SV2C: variants seen among roughly 807,000 people sequenced by gnomAD.
SV2C encodes solute carrier family 22 member B3.
In SV2C, 49 loss-of-function variants were observed where a neutral mutation model predicts 79.7. That is an observed-to-expected ratio of 0.61 (90% CI 0.49 to 0.78). SV2C has a LOEUF of 0.78. SV2C is among the 30% of genes least tolerant of loss of function. The pLI is 0.00. For synonymous variants in SV2C, 334 were observed against 333.2 expected (o/e 1.00, Z -0.03); for missense variants, 833 against 912.9 (o/e 0.91, Z 1.13).
the SV2C span, among the ~76,000 whole-genome samples, chr5:76,028,778 G>C: frequency 2.0e-5 from 3 of 152,096 alleles, no homozygotes; most frequent in Admixed American, 6.5e-5. Context: ...CTGTACACTG[G>C]GGATGTATAG....
the SV2C span, among the ~76,000 whole-genome samples, chr5:75,956,670 C>T: frequency 0.01 from 1,567 of 151,970 alleles, 28 homozygotes; most frequent in African/African-American, 0.033. Context: ...TCACCATCCC[C>T]GCAAGTATAC....
chr5:76,275,121 G>C (rs1378197248), intron 4 of SV2C, among the ~76,000 whole-genome samples: 1 of 152,144 alleles, frequency 6.6e-6, no homozygotes, highest in Non-Finnish European at 1.5e-5. Flanking sequence ...CCTTGGGTTT[G>C]TGTCTTGTAC....
At chr5:75,880,025 T>G in the SV2C span, among the ~76,000 whole-genome samples, 1 of 152,124 alleles carries the variant, frequency 6.6e-6, no homozygotes, top group Non-Finnish European at 1.5e-5. Context: ...CTAGGGCCCT[T>G]TGAGCCATGG....
In SV2C at chr5:76,195,081, G is replaced by T. The variant is rs200529235; in HGVS notation, c.743G>T (p.Arg248Leu). 6.2e-7 allele frequency: 1 copy of T among 1,613,306 alleles called. No homozygotes were observed. Among genetic ancestry groups the T allele is most frequent in the South Asian group, 1.1e-5 (1 of 90,964 alleles). ...VQGYGFFLFC[R>L]LLSGFGIGGA... ...GGTTATGGCTTCTTTCTCTTCTGTC[G>T]CTTACTTTCTGGATTCGGGTAAGGT... The change falls in exon 3 of 13, where the codon CGC (arginine) becomes CTC (leucine). Residue 248 changes from arginine to leucine, a missense_variant. Physicochemically the swap from Arg to Leu is moderately radical, Grantham distance 102. Coordinates refer to ENST00000502798, the MANE Select transcript of SV2C (RefSeq NM_014979.4).
chr5:76,016,884 T>C, the SV2C span, among the ~76,000 whole-genome samples: 4 of 152,214 alleles, frequency 2.6e-5, no homozygotes, highest in African/African-American at 4.8e-5. Flanking sequence ...GAATCTCCTT[T>C]CCTTGCTCAG....
At chr5:75,884,296 C>T in the SV2C span, among the ~76,000 whole-genome samples, 17 of 152,102 alleles carry the variant, frequency 1.1e-4, no homozygotes, top group Admixed American at 7.2e-4. Context: ...TAAGTGGAAC[C>T]TGCCAACAAT....
Position 76,196,703 on chromosome 5 carries a change from A to G in SV2C, c.761+1604A>G, listed in dbSNP as rs147714410. On this transcript the variant is annotated intron_variant, in intron 3 of 12. Coordinates refer to ENST00000502798, the MANE Select transcript of SV2C (RefSeq NM_014979.4). ...CCACTAGCCTGTCAACAGAAGGCTA[A>G]CAGCATAAGCGCTGAATTTTCCAGT... Among the ~76,000 whole-genome samples the G allele has an allele frequency of 6.3e-4, 96 of 152,366 alleles. 1 individual carries two copies. The East Asian group carries it at 0.014, about 22-fold the overall frequency.
intron 2 of SV2C, chr5:76,174,079 C>G (rs531482735): frequency 6.4e-7 from 1 of 1,574,662 alleles, no homozygotes; most frequent in Non-Finnish European, 8.7e-7. Flanking sequence ...AATCTTCTAT[C>G]GTAGGATCGT....
At chr5:75,921,770 A>T in the SV2C span, 17 of 347,454 alleles carry the variant, frequency 4.9e-5, 1 homozygote, top group Middle Eastern at 1.9e-3. Flanking sequence ...GTATCTACCA[A>T]GCTCGTGCCA....
At chr5:76,266,937 C>A (rs931358082) in intron 4 of SV2C, among the ~76,000 whole-genome samples, 5 of 152,182 alleles carry the variant, frequency 3.3e-5, no homozygotes, top group African/African-American at 1.2e-4. Flanking sequence ...CAGTTCAGAG[C>A]CTGCACTGTC....
At chr5:76,094,043 A>C (rs1317719764) in intron 1 of SV2C, among the ~76,000 whole-genome samples, 1 of 152,198 alleles carries the variant, frequency 6.6e-6, no homozygotes, top group Non-Finnish European at 1.5e-5. Flanking sequence ...TTAGGAGTTC[A>C]AGACCAGCCT....
At chr5:76,027,891 A>G in the SV2C span, among the ~76,000 whole-genome samples, 1 of 152,320 alleles carries the variant, frequency 6.6e-6, no homozygotes, top group East Asian at 1.9e-4. Flanking sequence ...ACACTGTTAC[A>G]TGTCCTGCAT....
chr5:75,922,527 G>C, the SV2C span, among the ~76,000 whole-genome samples: 1 of 152,218 alleles, frequency 6.6e-6, no homozygotes, highest in Non-Finnish European at 1.5e-5. Context: ...ATGTAAATCA[G>C]TATAACCTTT....
At chr5:76,000,801 C>T in the SV2C span, among the ~76,000 whole-genome samples, 2 of 152,102 alleles carry the variant, frequency 1.3e-5, no homozygotes, top group African/African-American at 4.8e-5. Flanking sequence ...AGAGCTCTGA[C>T]TCAGCTGCAT....
chr5:75,857,159 G>A, the SV2C span, among the ~76,000 whole-genome samples: 8 of 151,808 alleles, frequency 5.3e-5, no homozygotes, highest in African/African-American at 9.7e-5. Flanking sequence ...GGGTTTCACC[G>A]TGTTAGCCAG....
chr5:76,022,428 T>C, the SV2C span, among the ~76,000 whole-genome samples: 1 of 152,334 alleles, frequency 6.6e-6, no homozygotes, highest in South Asian at 2.1e-4. Flanking sequence ...TGTTTTTCAC[T>C]CTTTCACCTG....
intron 1 of SV2C, among the ~76,000 whole-genome samples, chr5:76,123,771 A>G (rs1033852259): frequency 7.9e-5 from 12 of 152,162 alleles, no homozygotes; most frequent in African/African-American, 2.7e-4. Flanking sequence ...CTCAGACCAC[A>G]CTTTGAGAAC....
intron 4 of SV2C, among the ~76,000 whole-genome samples, chr5:76,279,442 G>T (rs1747117012): frequency 6.6e-6 from 1 of 152,196 alleles, no homozygotes. Flanking sequence ...GCCAGCTAAG[G>T]AAACTGAAGG....
intron 9 of SV2C, among the ~76,000 whole-genome samples, chr5:76,296,432 A>G (rs563010528): frequency 2.0e-4 from 30 of 152,336 alleles, no homozygotes; most frequent in South Asian, 1.7e-3. Flanking sequence ...AGTTTCAATT[A>G]GAGAACAGGA....
Sources: allele counts gnomAD v4.1 joint callset (sites outside exome capture counted in the v4.1 genomes callset), GRCh38; gene constraint gnomAD v4.1.1; transcripts MANE v1.5; gene names NCBI Gene and HGNC (gene_info 2026-07-23, HGNC 2026-07-21).